Variants in KDM4C observed in about 807,000 individuals in gnomAD.
KDM4C encodes lysine demethylase 4C.
A neutral mutation model predicts 129.3 loss-of-function variants in KDM4C; 81 were observed. The observed-to-expected ratio is 0.63, with a 90% CI of 0.52 to 0.75. The LOEUF (loss-of-function observed/expected upper bound fraction) is 0.75, where lower values mean the gene tolerates loss of function less well. Among genes scored for constraint, KDM4C ranks in the 30% least tolerant of loss-of-function variants. KDM4C has a pLI of 0.00. For missense variants in KDM4C, 1,457 were observed against 1,304.0 expected (o/e 1.12, Z -1.81); for synonymous variants, 573 against 456.1 (o/e 1.26, Z -3.26).
chr9:7,104,710 C>T (rs919405662), intron 18 of KDM4C, among the ~76,000 whole-genome samples: 1 of 152,200 alleles, frequency 6.6e-6, no homozygotes, highest in Admixed American at 6.5e-5. Context: ...TCTAGATGCT[C>T]AGCTCTGCTA....
rs114511629 is a variant in KDM4C, at chr9:6,898,987, A to G, written c.921+5755A>G. Among the ~76,000 whole-genome samples the G allele has an allele frequency of 9.3e-3, 1,414 of 151,750 alleles. 26 individuals carry two copies. The highest frequency in any genetic ancestry group is 0.032 in the African/African-American group (1,322 of 41,406). Reference sequence around the variant, plus strand: ...ATTGTTCATTTTAACAGTTCTTGGCATTTCAATTTTAAGTGTCTGACATGA... The same window carrying G: ...ATTGTTCATTTTAACAGTTCTTGGCGTTTCAATTTTAAGTGTCTGACATGA... On this transcript the variant is annotated intron_variant, in intron 8 of 21. Coordinates refer to ENST00000381309, the MANE Select transcript of KDM4C (RefSeq NM_015061.6).
At chr9:6,857,970 C>T (rs947875246) in intron 5 of KDM4C, among the ~76,000 whole-genome samples, 1 of 135,038 alleles carries the variant, frequency 7.4e-6, no homozygotes, top group African/African-American at 3.0e-5. Context: ...TGCTATGTTG[C>T]CCAGGCTGGC....
intron 8 of KDM4C, among the ~76,000 whole-genome samples, chr9:6,972,981 A>G (rs556205939): frequency 2.0e-5 from 3 of 152,308 alleles, no homozygotes; most frequent in East Asian, 1.9e-4. Flanking sequence ...CATGAAACTA[A>G]TAACAGAGAA....
intron 8 of KDM4C, among the ~76,000 whole-genome samples, chr9:6,920,142 G>A (rs1821209470): frequency 6.6e-6 from 1 of 152,080 alleles, no homozygotes; most frequent in South Asian, 2.1e-4. Context: ...CAATTTGGTG[G>A]GCAGGGGGCT....
intron 19 of KDM4C, among the ~76,000 whole-genome samples, chr9:7,155,152 T>C (rs1035530185): frequency 6.6e-6 from 1 of 152,172 alleles, no homozygotes; most frequent in Admixed American, 6.5e-5. Flanking sequence ...AATTCTCATT[T>C]TTAATGTGTG....
intron 1 of KDM4C, among the ~76,000 whole-genome samples, chr9:6,765,479 T>G (rs916236683): frequency 1.3e-5 from 2 of 152,184 alleles, no homozygotes; most frequent in African/African-American, 4.8e-5. Flanking sequence ...GGTTTATAAT[T>G]GTATATTTTT....
At chr9:6,927,833 T>C (rs1335759634) in intron 8 of KDM4C, among the ~76,000 whole-genome samples, 1 of 152,212 alleles carries the variant, frequency 6.6e-6, no homozygotes, top group African/African-American at 2.4e-5. Flanking sequence ...CCCATTCTTC[T>C]CAAGGCATTC....
chr9:6,781,298 C>G (rs910052548), intron 1 of KDM4C, among the ~76,000 whole-genome samples: 8 of 152,024 alleles, frequency 5.3e-5, no homozygotes, highest in African/African-American at 1.9e-4. Context: ...AAATGTTGCT[C>G]CTAGTGGAAG....
In KDM4C at chr9:7,174,616, A is replaced by C. The variant is rs746628937; in HGVS notation, c.3058A>C (p.Arg1020=). Residue 1020 remains arginine, a synonymous_variant, in exon 22 of 22, where the codon AGA becomes CGA. Transcript: ENST00000381309. ...TGGAGCAGACATTATCCAAGGGGAG[A>C]GAAAGAGACAAAGAGTGCTGAGCTC... is the stretch of plus-strand genomic sequence containing the variant. ...FYGADIIQGE[R]KRQRVLSSRF... is the part of the protein sequence containing the mutation. 6.2e-7 allele frequency: 1 copy of C among 1,614,196 alleles called. No individual in the cohort carries two copies. The highest frequency in any genetic ancestry group is 8.5e-7 in the Non-Finnish European group (1 of 1,180,002).
At chr9:6,849,086 C>G (rs570925171) in intron 4 of KDM4C, among the ~76,000 whole-genome samples, 28 of 152,272 alleles carry the variant, frequency 1.8e-4, no homozygotes, top group African/African-American at 6.7e-4. Context: ...AATATTACCT[C>G]TAAACTAATG....
chr9:7,003,963 A>T (rs1050891011), intron 12 of KDM4C, among the ~76,000 whole-genome samples: 3 of 152,182 alleles, frequency 2.0e-5, no homozygotes, highest in African/African-American at 7.2e-5. Flanking sequence ...AATGCCTCCC[A>T]GGACTGAGAT....
rs368122476 is a variant in KDM4C at position 6,942,656 on chromosome 9, C to A, written c.922-38269C>A. 3.9e-5 allele frequency: 6 copies of A among 152,184 alleles called. No homozygotes were observed. In the East Asian group the frequency reaches 1.2e-3, roughly 29 times the overall value. The allele number at this position is 152,184 out of a possible 1,614,324, so 9.4% of individuals were successfully genotyped here. On this transcript the variant is annotated intron_variant, in intron 8 of 21. Transcript: ENST00000381309. ...TGGGGTTTGTGAGCTAACTGCAAGT[C>A]TTTCTTTGTTTTAGGGCTGTGGATT...
intron 15 of KDM4C, among the ~76,000 whole-genome samples, chr9:7,027,754 A>G (rs1210536458): frequency 1.3e-5 from 2 of 152,174 alleles, no homozygotes; most frequent in Non-Finnish European, 2.9e-5. Context: ...AAACCTTAGA[A>G]GTCTTTCTGG....
chr9:6,989,660 A>G (rs527614457), intron 11 of KDM4C, among the ~76,000 whole-genome samples: 2 of 150,858 alleles, frequency 1.3e-5, no homozygotes, highest in Non-Finnish European at 3.0e-5. Flanking sequence ...GTGTTGCAGT[A>G]TTGTCTTCTC....
intron 8 of KDM4C, among the ~76,000 whole-genome samples, chr9:6,968,831 A>G (rs906884304): frequency 6.6e-6 from 1 of 152,094 alleles, no homozygotes; most frequent in Non-Finnish European, 1.5e-5. Flanking sequence ...TTAAAGTGAG[A>G]TGGTATTTTA....
chr9:7,174,530 A>G, intron 21 of KDM4C, 23 bp from the exon 22 acceptor site: 1 of 1,611,610 alleles, frequency 6.2e-7, no homozygotes, highest in South Asian at 1.1e-5. Flanking sequence ...GCCCTTTTGC[A>G]ATATAACACC....
At chr9:7,047,260 CAG>C (rs1829536919) in intron 16 of KDM4C, among the ~76,000 whole-genome samples, 1 of 152,022 alleles carries the variant, frequency 6.6e-6, no homozygotes, top group Admixed American at 6.6e-5. Context: ...TCTGTTAAAA[CAG>C]GGCATACCTG....
chr9:6,959,996 C>T (rs911434206), intron 8 of KDM4C, among the ~76,000 whole-genome samples: 7 of 151,982 alleles, frequency 4.6e-5, no homozygotes, highest in African/African-American at 1.2e-4. Flanking sequence ...CTGTTACATC[C>T]AGTGAATGCT....
intron 12 of KDM4C, among the ~76,000 whole-genome samples, chr9:6,994,725 A>T (rs1244513022): frequency 6.6e-6 from 1 of 152,224 alleles, no homozygotes; most frequent in African/African-American, 2.4e-5. Context: ...AAAAATGTAA[A>T]TCCTTGTCCA....
Sources: allele counts gnomAD v4.1 joint callset (sites outside exome capture counted in the v4.1 genomes callset), GRCh38; gene constraint gnomAD v4.1.1; transcripts MANE v1.5; gene names NCBI Gene and HGNC (gene_info 2026-07-23, HGNC 2026-07-21).